Variants in COL6A2 observed in about 807,000 individuals in gnomAD.
COL6A2 encodes the protein collagen alpha-2(VI) chain.
A neutral mutation model predicts 124.9 loss-of-function variants in COL6A2; 90 were observed. The ratio of observed to expected loss-of-function variants is 0.72; its 90% CI spans 0.61 to 0.86. The LOEUF (loss-of-function observed/expected upper bound fraction) is 0.86, where lower values mean the gene tolerates loss of function less well. COL6A2 is among the 40% of genes least tolerant of loss of function. The probability of loss-of-function intolerance (pLI) is 0.00; values close to 1 mark genes in which losing one functional copy is unlikely to be tolerated. For missense variants in COL6A2, 1,607 were observed against 1,502.5 expected, an observed-to-expected ratio of 1.07 and a Z score of -1.15; for synonymous variants, 793 against 618.2, an observed-to-expected ratio of 1.28 and a Z score of -4.19.
rs1158137469 is a variant in COL6A2, at chr21:46,119,044, C to T, written c.1194C>T (p.Asn398=). 6.2e-6 allele frequency: 10 copies of T among 1,611,884 alleles called. No homozygotes were observed. The African/African-American group carries it at 1.2e-4, about 19-fold the overall frequency. ...GAKGSKGYQG[N]SGAPGSPGVK... ...TCCTTCTTCAGGGGTATCAAGGCAA[C>T]AGTGGAGCCCCAGGAAGTCCTGGTG... The change falls in exon 14 of 28, where the codon AAC becomes AAT. Residue 398 remains asparagine (N), a synonymous_variant. Coordinates refer to ENST00000300527, the MANE Select transcript of COL6A2 (RefSeq NM_001849.4).
intron 27 of COL6A2, chr21:46,129,015 A>C: frequency 6.2e-7 from 1 of 1,603,972 alleles, no homozygotes; most frequent in Non-Finnish European, 8.5e-7. Flanking sequence ...CCCTGTGCTC[A>C]CTGCCCCCAC....
intron 15 of COL6A2, among the ~76,000 whole-genome samples, 162 bp downstream of exon 15, chr21:46,120,012 C>T (rs1568932782): frequency 1.3e-5 from 2 of 149,470 alleles, no homozygotes; most frequent in Non-Finnish European, 1.5e-5. Flanking sequence ...CCTGAGATCC[C>T]CACACCCCAT....
chr21:46,111,538 A>G lies in COL6A2; in HGVS notation c.62A>G (p.Gln21Arg), dbSNP rs751632108. 1 of 1,612,968 alleles carries G rather than the reference A, an allele frequency of 6.2e-7. No individual in the cohort carries two copies. Among genetic ancestry groups the G allele is most frequent in the East Asian group, 2.2e-5 (1 of 44,856 alleles). Reference sequence around the variant, plus strand: ...GGAATCCTGGGGGCCATCCAGGCCCAGCAGCAGGAGGTCATCTCGCCGGAC... The same window carrying G: ...GGAATCCTGGGGGCCATCCAGGCCCGGCAGCAGGAGGTCATCTCGCCGGAC... ...LWGILGAIQA[Q>R]QQEVISPDTT... Residue 21 changes from glutamine (Q) to arginine (R), a missense_variant, in exon 2 of 28, where the codon CAG becomes CGG. Physicochemically the swap from Gln to Arg is conservative, Grantham distance 43 (BLOSUM62 1). Coordinates refer to ENST00000300527, the MANE Select transcript of COL6A2 (RefSeq NM_001849.4).
chr21:46,125,407 G>A (rs763578170), intron 24 of COL6A2, 58 bp from the exon 25 acceptor site: 65 of 1,608,746 alleles, frequency 4.0e-5, no homozygotes, highest in East Asian at 1.1e-4. Context: ...GCATGTGCAC[G>A]TGACCCTAGG....
chr21:46,119,585 G>T (rs1034623381), intron 14 of COL6A2, among the ~76,000 whole-genome samples: 1 of 152,224 alleles, frequency 6.6e-6, no homozygotes, highest in African/African-American at 2.4e-5. Context: ...CGGGACCGAC[G>T]CAGCAGAGGG....
intron 16 of COL6A2, 109 bp from the exon 17 acceptor site, chr21:46,120,952 C>G: frequency 2.8e-6 from 3 of 1,062,426 alleles, no homozygotes; most frequent in Non-Finnish European, 4.4e-6. Context: ...GGGCCGGGGC[C>G]AGACCCGTCT....
In COL6A2 at chr21:46,117,935, A is replaced by G; in HGVS notation, c.1115A>G (p.Lys372Arg). The change falls in exon 12 of 28, where the codon AAG becomes AGG. Residue 372 changes from lysine to arginine, a missense_variant and splice_region_variant. Transcript: ENST00000300527. ...GGGGAGCGAGGAGACCAAGGCGGCA[A>G]GGTAAGTGGCCTTGTCAGGGTACGG... ...SPGERGDQGG[K>R]GDPGRPGRRG... 6.2e-7 allele frequency: 1 copy of G among 1,612,168 alleles called. No homozygotes were observed. The highest frequency in any genetic ancestry group is 8.5e-7 in the Non-Finnish European group (1 of 1,179,430).
Position 46,126,027 on chromosome 21 carries a change from C to A in COL6A2, c.2212C>A (p.Arg738=). The A allele has an allele frequency of 6.2e-7, 1 of 1,612,994 alleles. No homozygotes were observed. The highest frequency in any genetic ancestry group is 8.5e-7 in the Non-Finnish European group (1 of 1,179,904). ...VVITDGRHDP[R]DDDLNLRALC... ...CATCACGGACGGGCGCCACGACCCT[C>A]GGGACGATGACCTCAACTTGCGGGC... Residue 738 remains arginine (R), a synonymous_variant, in exon 26 of 28, where the codon CGG becomes AGG. Coordinates refer to ENST00000300527, the MANE Select transcript of COL6A2 (RefSeq NM_001849.4).
chr21:46,115,976 G>C, intron 6 of COL6A2, 33 bp from the exon 7 acceptor site: 1 of 1,612,254 alleles, frequency 6.2e-7, no homozygotes, highest in Non-Finnish European at 8.5e-7. Flanking sequence ...GCGCCCCAGG[G>C]CTGGGCTCAC....
rs766374821 is a variant in COL6A2 at position 46,125,525 on chromosome 21, T to C, written c.1877T>C (p.Ile626Thr). Residue 626 changes from isoleucine (I) to threonine (T), a missense_variant, in exon 25 of 28, where the codon ATT (isoleucine) becomes ACT (threonine). Ile to Thr is a moderately conservative substitution (Grantham distance 89). Around this residue, in one of 3 missense-constraint regions of COL6A2, gnomAD observed 1,223 missense variants for 1,052.2 expected, o/e 1.16. Transcript: ENST00000300527. Reference protein sequence around the residue: ...VVFVIDSSESIGYTNFTLEKN... With the variant: ...VVFVIDSSESTGYTNFTLEKN... ...TTCGTCATCGACAGCTCCGAGAGCA[T>C]TGGGTACACCAACTTCACACTGGAG... 28 of 1,612,796 alleles carry C rather than the reference T, an allele frequency of 1.7e-5. No individual in the cohort carries two copies. Among genetic ancestry groups the C allele is most frequent in the South Asian group, 2.2e-5 (2 of 91,084 alleles).
At chr21:46,127,448 C>T (rs1347083134) in intron 27 of COL6A2, among the ~76,000 whole-genome samples, 3 of 152,144 alleles carry the variant, frequency 2.0e-5, no homozygotes, top group Admixed American at 1.3e-4. Context: ...GTTCCCCATA[C>T]GTGCTGCGAC....
intron 27 of COL6A2, chr21:46,128,835 G>A (rs1004251671): frequency 1.9e-4 from 255 of 1,328,516 alleles, no homozygotes; most frequent in Admixed American, 4.4e-4. Context: ...AGGGGTGGCT[G>A]GGGTCTTCCT....
rs1077182 is a variant in COL6A2, at chr21:46,121,639, A to G, written c.1521+21A>G. On this transcript the variant is annotated intron_variant, in intron 18 of 27. Transcript: ENST00000300527. ...CCAAGGTACGTGCCCCTCCCCCAGC[A>G]GGACGTATTAGGGGTTCGGGGCAGC... is the stretch of plus-strand genomic sequence containing the variant. 262,570 of 1,611,126 alleles carry G rather than the reference A, an allele frequency of 0.16. 24,307 individuals carry two copies. Among genetic ancestry groups the G allele is most frequent in the Non-Finnish European group, 0.19 (226,679 of 1,178,562 alleles).
intron 27 of COL6A2, chr21:46,129,589 T>C (rs1243188841): frequency 6.9e-7 from 1 of 1,443,482 alleles, no homozygotes; most frequent in East Asian, 2.5e-5. Context: ...GCCAGAGATC[T>C]GGAATCGGGG....
rs767794285 is a variant in COL6A2 at position 46,129,220 on chromosome 21, C to A, written c.2461+2679C>A. 1.4e-5 allele frequency: 22 copies of A among 1,612,802 alleles called. No homozygotes were observed. In the East Asian group the frequency reaches 4.9e-4, roughly 36 times the overall value. ...GATGCACCGTGGCCTGGCGGCGAGC[C>A]CCCGGTCACCTTCCTCCGCACGGAA... is the stretch of plus-strand genomic sequence containing the variant. On this transcript the variant is annotated intron_variant, in intron 27 of 27. Coordinates refer to ENST00000300527, the MANE Select transcript of COL6A2 (RefSeq NM_001849.4).
intron 1 of COL6A2, among the ~76,000 whole-genome samples, chr21:46,108,055 T>G (rs1170489777): frequency 3.3e-5 from 5 of 151,618 alleles, no homozygotes; most frequent in Non-Finnish European, 7.4e-5. Flanking sequence ...CTCCCTAATC[T>G]CCCCTCCTTT....
Position 46,132,596 on chromosome 21 carries a change from C to T in COL6A2, c.*44C>T, listed in dbSNP as rs527373598. The T allele has an allele frequency of 9.9e-5, 152 of 1,537,328 alleles. 1 individual carries two copies. Among genetic ancestry groups the T allele is most frequent in the African/African-American group, 2.4e-4 (18 of 73,470 alleles). On this transcript the variant is annotated 3_prime_UTR_variant, in exon 28 of 28. Transcript: ENST00000300527. ...GCAGTCGAGGGTCGTGAGCCCACCCCGTCCATGGTGCTAAGCGGGCCCGGG... is the reference window on the plus strand; with the variant it reads ...GCAGTCGAGGGTCGTGAGCCCACCCTGTCCATGGTGCTAAGCGGGCCCGGG...
Position 46,132,784 on chromosome 21 carries a change from G to T in COL6A2, c.*232G>T, listed in dbSNP as rs1401157759. 1.7e-6 allele frequency: 1 copy of T among 587,792 alleles called. No homozygotes were observed. Among genetic ancestry groups the T allele is most frequent in the African/African-American group, 1.9e-5 (1 of 53,496 alleles). 36.4% of individuals were successfully genotyped at this position (587,792 alleles called of 1,614,324 possible). ...TCCCTCCCCCTGCAGCCATCCCAAG[G>T]CTCCTGACCTACCTGGCCCCTGAGC... On this transcript the variant is annotated 3_prime_UTR_variant, in exon 28 of 28. Transcript: ENST00000300527.
chr21:46,122,979 G>T (rs951525638), intron 21 of COL6A2, 42 bp downstream of exon 21: 2 of 1,584,214 alleles, frequency 1.3e-6, no homozygotes, highest in Non-Finnish European at 1.7e-6. Context: ...CTGGGCAGAG[G>T]CAGGGAGGGG....
Sources: gnomAD v4.1 joint callset for allele counts (sites outside exome capture counted in the v4.1 genomes callset) on GRCh38, gnomAD v4.1.1 for gene constraint, gnomAD v4.1.1 regional missense constraint, MANE v1.5 for transcripts, NCBI Gene and HGNC (gene_info 2026-07-23, HGNC 2026-07-21) for gene names.